Variants in SVEP1 observed in about 807,000 individuals in gnomAD.
SVEP1 encodes sushi, von Willebrand factor type A, EGF and pentraxin domain-containing protein 1.
A neutral mutation model predicts 367.3 loss-of-function variants in SVEP1; 164 were observed. The observed-to-expected ratio is 0.45, with a 90% CI of 0.39 to 0.51. The LOEUF (loss-of-function observed/expected upper bound fraction) is 0.51, where lower values mean the gene tolerates loss of function less well. Ranked by LOEUF, SVEP1 falls within the 20% of genes least tolerant of loss-of-function variation. The probability of loss-of-function intolerance (pLI) is 0.00; values close to 1 mark genes in which losing one functional copy is unlikely to be tolerated. For synonymous variants in SVEP1, 1,666 were observed against 1,611.6 expected (o/e 1.03, Z -0.81); for missense variants, 4,117 against 4,425.3 (o/e 0.93, Z 1.98).
intron 46 of SVEP1, 141 bp from the exon 47 acceptor site, chr9:110,370,157 T>G: frequency 1.4e-6 from 1 of 711,060 alleles, no homozygotes; most frequent in Non-Finnish European, 2.3e-6. Flanking sequence ...ATTATCCATT[T>G]CTGCTGTTCT....
intron 3 of SVEP1, among the ~76,000 whole-genome samples, chr9:110,545,835 T>G (rs953171328): frequency 9.9e-5 from 15 of 152,128 alleles, no homozygotes; most frequent in African/African-American, 2.9e-4. Flanking sequence ...AGAGGCCACA[T>G]AAAGGACAGC....
At chr9:110,375,120 A>T (rs4978425) in intron 46 of SVEP1, among the ~76,000 whole-genome samples, 76,776 of 151,920 alleles carry the variant, frequency 0.51, 19,668 homozygotes, top group African/African-American at 0.57. Context: ...GAAGCAGATG[A>T]CATAAAGAAG....
intron 3 of SVEP1, among the ~76,000 whole-genome samples, chr9:110,515,264 G>A (rs1223507608): frequency 6.6e-6 from 1 of 150,982 alleles, no homozygotes; most frequent in African/African-American, 2.4e-5. Flanking sequence ...TTAAATAACA[G>A]TTGCAACCAA....
intron 3 of SVEP1, among the ~76,000 whole-genome samples, chr9:110,536,479 A>G (rs1488198719): frequency 6.6e-6 from 1 of 152,016 alleles, no homozygotes; most frequent in African/African-American, 2.4e-5. Flanking sequence ...CCAGAACCTC[A>G]ACATACATAT....
intron 8 of SVEP1, among the ~76,000 whole-genome samples, chr9:110,490,382 T>C (rs954245724): frequency 6.6e-6 from 1 of 152,180 alleles, no homozygotes; most frequent in African/African-American, 2.4e-5. Flanking sequence ...TGATCGATTA[T>C]CGTAAACTAT....
Position 110,435,319 on chromosome 9 carries a change from T to C in SVEP1, c.4810A>G (p.Asn1604Asp). 1.2e-6 allele frequency: 2 copies of C among 1,613,680 alleles called. No homozygotes were observed. The highest frequency in any genetic ancestry group is 1.7e-6 in the Non-Finnish European group (2 of 1,179,624). Reference protein sequence around the residue: ...TSCPEELSKGNVLAWPDFLSG... With the variant: ...TSCPEELSKGDVLAWPDFLSG... ...AAGAAATCAGGCCATGCTAACACGT[T>C]TCCTTTACTGAGTTCCTCTGGGCAG... Residue 1604 changes from asparagine to aspartate, a missense_variant, in exon 29 of 48, where the codon AAC becomes GAC. Asn to Asp is a conservative substitution (Grantham distance 23). This residue lies in a region of SVEP1 where 2,174 missense variants were observed against 2,494.3 expected (regional missense o/e 0.87). Coordinates refer to ENST00000374469, the MANE Select transcript of SVEP1 (RefSeq NM_153366.4).
chr9:110,511,283 T>C (rs1382547770), intron 5 of SVEP1, among the ~76,000 whole-genome samples: 2 of 152,178 alleles, frequency 1.3e-5, no homozygotes, highest in Non-Finnish European at 2.9e-5. Flanking sequence ...CTTTAGATCT[T>C]CTACTGGTGC....
rs35039778 is a variant in SVEP1, at chr9:110,528,131, CGTGTGTGT to C, written c.965-14033_965-14026del. Among the ~76,000 whole-genome samples, 66 of 65,394 alleles carry C rather than the reference CGTGTGTGT, an allele frequency of 1.0e-3. 1 individual carries two copies. Among genetic ancestry groups the C allele is most frequent in the South Asian group, 3.6e-3 (7 of 1,964 alleles). The allele number at this position is 65,394 out of a possible 152,430, so 42.9% of individuals were successfully genotyped here. A position where few individuals can be genotyped will look rare whatever the true frequency, so the allele number is the denominator to read the frequency against. ...ATATACATATATACATACATACACA[CGTGTGTGT>C]GTGTGTGTGTGTGTGTGTATATATA... On this transcript the variant is annotated intron_variant, in intron 3 of 47. Transcript: ENST00000374469.
intron 26 of SVEP1, among the ~76,000 whole-genome samples, chr9:110,445,530 A>G (rs1341007070): frequency 6.6e-6 from 1 of 152,110 alleles, no homozygotes; most frequent in African/African-American, 2.4e-5. Flanking sequence ...AGTCATTTAG[A>G]CTTTCTGAAA....
At chr9:110,566,407 T>C (rs976156133) in intron 1 of SVEP1, among the ~76,000 whole-genome samples, 11 of 151,914 alleles carry the variant, frequency 7.2e-5, no homozygotes, top group African/African-American at 2.4e-4. Context: ...ATTGTGAAGA[T>C]TTAATAAATT....
chr9:110,435,318 T>C lies in SVEP1; in HGVS notation c.4811A>G (p.Asn1604Ser). Residue 1604 changes from asparagine (N) to serine (S), a missense_variant, in exon 29 of 48, where the codon AAC becomes AGC. By Grantham distance (46) the Asn-to-Ser change is conservative (BLOSUM62 1). This residue lies in a region of SVEP1 where 2,174 missense variants were observed against 2,494.3 expected (regional missense o/e 0.87). Transcript: ENST00000374469. ...CAAGAAATCAGGCCATGCTAACACG[T>C]TTCCTTTACTGAGTTCCTCTGGGCA... Reference protein sequence around the residue: ...TSCPEELSKGNVLAWPDFLSG... With the variant: ...TSCPEELSKGSVLAWPDFLSG... 1 of 1,613,676 alleles carries C rather than the reference T, an allele frequency of 6.2e-7. No individual in the cohort carries two copies. The highest frequency in any genetic ancestry group is 8.5e-7 in the Non-Finnish European group (1 of 1,179,618).
Position 110,549,853 on chromosome 9 carries a change from A to C in SVEP1, c.783T>G (p.His261Gln). Reference sequence around the variant, plus strand: ...ATGCCATTAGGTTTCCATTACCTTCATGCAATGCCCGGCGAGCTAAAGCCT... The same window carrying C: ...ATGCCATTAGGTTTCCATTACCTTCCTGCAATGCCCGGCGAGCTAAAGCCT... ...EFEALARRAL[H>Q]EDLPSGSFIQ... Residue 261 changes from histidine to glutamine, a missense_variant, in exon 2 of 48, where the codon CAT becomes CAG. Around this residue, in one of 4 missense-constraint regions of SVEP1, gnomAD observed 2,174 missense variants for 2,494.3 expected, o/e 0.87. Transcript: ENST00000374469. 1 of 1,613,744 alleles carries C rather than the reference A, an allele frequency of 6.2e-7. No homozygotes were observed. The highest frequency in any genetic ancestry group is 8.5e-7 in the Non-Finnish European group (1 of 1,179,756).
In SVEP1 at chr9:110,400,825, AT is replaced by A. The variant is rs1182837047; in HGVS notation, c.9822+28del. Reference sequence around the variant, plus strand: ...CCCAAGTATATTGGAAAAACAAATTATTTCTAGTTAAACAATTTGTTCGCTT... The same window carrying A: ...CCCAAGTATATTGGAAAAACAAATTATTCTAGTTAAACAATTTGTTCGCTT... On this transcript the variant is annotated intron_variant, in intron 40 of 47. Transcript: ENST00000374469. 2.5e-6 allele frequency: 4 copies of A among 1,584,446 alleles called. No homozygotes were observed. In the East Asian group the frequency reaches 6.8e-5, roughly 27 times the overall value.
intron 3 of SVEP1, among the ~76,000 whole-genome samples, chr9:110,528,884 TTTAA>T (rs1203589413): frequency 6.6e-6 from 1 of 151,896 alleles, no homozygotes; most frequent in Non-Finnish European, 1.5e-5. Flanking sequence ...AATTTTAATT[TTTAA>T]TTTATTAATT....
intron 10 of SVEP1, among the ~76,000 whole-genome samples, chr9:110,482,699 G>C (rs1347036458): frequency 6.6e-6 from 1 of 152,064 alleles, no homozygotes; most frequent in African/African-American, 2.4e-5. Flanking sequence ...GCTAATTTTT[G>C]TATTTTTAGT....
intron 3 of SVEP1, among the ~76,000 whole-genome samples, chr9:110,520,749 T>G (rs1245298189): frequency 6.6e-6 from 1 of 152,216 alleles, no homozygotes; most frequent in Non-Finnish European, 1.5e-5. Flanking sequence ...TTTCTCCTCA[T>G]ACATGTCTTA....
chr9:110,503,183 A>G lies in SVEP1; in HGVS notation c.1338T>C (p.His446=). Residue 446 remains histidine, a synonymous_variant, in exon 6 of 48, where the codon CAT becomes CAC. Coordinates refer to ENST00000374469, the MANE Select transcript of SVEP1 (RefSeq NM_153366.4). ...CCCTTGTAGAACAGCTGATGTGGCC[A>G]TGTTTCGGCTGGCGGAGATGAGGAC... ...RTCPHLRQPK[H]GHISCSTREM... The G allele has an allele frequency of 1.9e-6, 3 of 1,613,644 alleles. No homozygotes were observed. Among genetic ancestry groups the G allele is most frequent in the Non-Finnish European group, 2.5e-6 (3 of 1,179,778 alleles).
In SVEP1 at chr9:110,499,248, G is replaced by A; in HGVS notation, c.1484-10C>T. ...GTGGAACAGTGGCGCTCTACGGTAG[G>A]GAAACAGAGAGAATGTTATTTGTGT... On this transcript the variant is annotated splice_polypyrimidine_tract_variant and intron_variant, in intron 6 of 47. Transcript: ENST00000374469. 2 of 1,595,966 alleles carry A rather than the reference G, an allele frequency of 1.3e-6. No individual in the cohort carries two copies. Among genetic ancestry groups the A allele is most frequent in the Non-Finnish European group, 1.7e-6 (2 of 1,169,996 alleles).
chr9:110,494,677 A>G (rs1829419100), intron 8 of SVEP1, among the ~76,000 whole-genome samples: 1 of 152,218 alleles, frequency 6.6e-6, no homozygotes, highest in African/African-American at 2.4e-5. Context: ...TGTTCATGAC[A>G]GCATCGTGAG....
Sources: gnomAD v4.1 joint callset for allele counts (sites outside exome capture counted in the v4.1 genomes callset) on GRCh38, gnomAD v4.1.1 for gene constraint, gnomAD v4.1.1 regional missense constraint, MANE v1.5 for transcripts, NCBI Gene and HGNC (gene_info 2026-07-23, HGNC 2026-07-21) for gene names.